FAM124B: variants seen among roughly 807,000 people sequenced by gnomAD.
FAM124B encodes the protein protein FAM124B.
Under a neutral mutation model 19.7 loss-of-function variants are expected in FAM124B, and 18 were observed. The ratio of observed to expected loss-of-function variants is 0.92; its 90% CI spans 0.63 to 1.36. FAM124B has a LOEUF of 1.36. FAM124B is among the 40% of genes most tolerant of loss of function. FAM124B has a pLI of 0.00. For missense variants in FAM124B, 540 were observed against 553.3 expected, an observed-to-expected ratio of 0.98 and a Z score of 0.24; for synonymous variants, 223 against 225.2, an observed-to-expected ratio of 0.99 and a Z score of 0.09.
At chr2:224,387,708 G>C (rs1047940538) in intron 1 of FAM124B, among the ~76,000 whole-genome samples, 1 of 151,964 alleles carries the variant, frequency 6.6e-6, no homozygotes, top group African/African-American at 2.4e-5. Flanking sequence ...GTGTGTGTTG[G>C]GGGTGGGGTA....
chr2:224,388,120 A>G (rs1689827315), intron 1 of FAM124B, among the ~76,000 whole-genome samples: 1 of 152,212 alleles, frequency 6.6e-6, no homozygotes, highest in Non-Finnish European at 1.5e-5. Context: ...CTGAAAAGAG[A>G]AGCAGATTCA....
At chr2:224,399,587 C>A (rs1453706847) in intron 1 of FAM124B, 1 of 152,082 alleles carries the variant, frequency 6.6e-6, no homozygotes, top group Non-Finnish European at 1.5e-5. Context: ...ACATTCATCC[C>A]CCTGCTTGCA....
At position 224,380,066 on chromosome 2, in the gene FAM124B, C is replaced by T; in HGVS notation, c.875G>A (p.Gly292Glu). ...SQRNQGKRSQGHSLELPEPSG... is the reference protein window; with the variant it reads ...SQRNQGKRSQEHSLELPEPSG... ...GGGCTCAGGAAGCTCCAGAGAATGC[C>T]CCTGGGACCTCTTGCCCTGGTTCCT... The change falls in exon 2 of 2, where the codon GGG becomes GAG. Residue 292 changes from glycine to glutamate, a missense_variant. Transcript: ENST00000409685. 1 of 1,551,646 alleles carries T rather than the reference C, an allele frequency of 6.4e-7. No homozygotes were observed. Among genetic ancestry groups the T allele is most frequent in the Non-Finnish European group, 8.7e-7 (1 of 1,147,004 alleles).
intron 1 of FAM124B, 78 bp downstream of exon 1, chr2:224,400,959 C>T (rs1219692361): frequency 2.0e-6 from 3 of 1,497,988 alleles, no homozygotes; most frequent in Non-Finnish European, 1.8e-6. Flanking sequence ...GTCTGAGAAC[C>T]ACTAGCTTAG....
At chr2:224,384,468 C>T (rs1689771327) in intron 1 of FAM124B, among the ~76,000 whole-genome samples, 2 of 152,228 alleles carry the variant, frequency 1.3e-5, no homozygotes, top group East Asian at 1.9e-4. Context: ...CATCCATCTA[C>T]CTGCCCACAT....
chr2:224,395,434 G>A (rs146592009), intron 1 of FAM124B, among the ~76,000 whole-genome samples: 246 of 152,048 alleles, frequency 1.6e-3, no homozygotes, highest in African/African-American at 4.8e-3. Flanking sequence ...AAAAAGAGGC[G>A]GACATCATCA....
At position 224,379,807 on chromosome 2, in the gene FAM124B, A is replaced by G. The variant is rs1348382910; in HGVS notation, c.1134T>C (p.Tyr378=). 1.0e-5 allele frequency: 16 copies of G among 1,551,862 alleles called. No homozygotes were observed. Among genetic ancestry groups the G allele is most frequent in the Non-Finnish European group, 8.7e-7 (1 of 1,147,026 alleles). ...TIINSEPRQT[Y]FGGFPRDLQT... ...GTAAATCCCTTGGAAATCCGCCAAA[A>G]TAAGTCTGCCTGGGTTCAGAATTTA... is the stretch of plus-strand genomic sequence containing the variant. The change falls in exon 2 of 2, where the codon TAT becomes TAC. Residue 378 remains tyrosine, a synonymous_variant. Coordinates refer to ENST00000409685, the MANE Select transcript of FAM124B (RefSeq NM_001122779.2).
chr2:224,392,764 A>C (rs879438273), intron 1 of FAM124B, among the ~76,000 whole-genome samples: 5 of 151,798 alleles, frequency 3.3e-5, no homozygotes, highest in Non-Finnish European at 7.4e-5. Context: ...CAAAAAAAAA[A>C]AACAACAGAT....
intron 1 of FAM124B, among the ~76,000 whole-genome samples, chr2:224,391,551 T>C (rs755651363): frequency 2.0e-5 from 3 of 152,192 alleles, no homozygotes; most frequent in Non-Finnish European, 2.9e-5. Context: ...AAGTATATTA[T>C]CTAAAACAGG....
chr2:224,380,789 G>C (rs375411144), intron 1 of FAM124B, among the ~76,000 whole-genome samples: 5 of 152,166 alleles, frequency 3.3e-5, no homozygotes, highest in Admixed American at 6.5e-5. Context: ...CATTTATTTA[G>C]ATTAGAGGCC....
At chr2:224,381,536 G>C (rs1689717299) in intron 1 of FAM124B, among the ~76,000 whole-genome samples, 1 of 151,688 alleles carries the variant, frequency 6.6e-6, no homozygotes, top group South Asian at 2.1e-4. Flanking sequence ...TGGGGGGAGG[G>C]AGGGATGACT....
chr2:224,390,114 T>TACACACACACACACACAC (rs59825011), intron 1 of FAM124B, among the ~76,000 whole-genome samples: 153 of 131,792 alleles, frequency 1.2e-3, no homozygotes, highest in Non-Finnish European at 1.8e-3. Flanking sequence ...GTCTTTGAAA[T>TACACACACACACACACAC]ACACACACAC....
In FAM124B at chr2:224,400,714, C is replaced by T. The variant is rs148617410; in HGVS notation, c.732+323G>A. ...GGATTCTGATCTTTATAGTAGAATC[C>T]TGTCTGATTCTACTATAAAGTACTT... On this transcript the variant is annotated intron_variant, in intron 1 of 1. Coordinates refer to ENST00000409685, the MANE Select transcript of FAM124B (RefSeq NM_001122779.2). Among the ~76,000 whole-genome samples, 81 of 152,164 alleles carry T rather than the reference C, an allele frequency of 5.3e-4. No individual in the cohort carries two copies. The East Asian group carries it at 0.015, about 29-fold the overall frequency.
chr2:224,401,144 C>A lies in FAM124B; in HGVS notation c.625G>T (p.Val209Phe). Residue 209 changes from valine to phenylalanine, a missense_variant, in exon 1 of 2, where the codon GTT becomes TTT. Transcript: ENST00000409685. Reference sequence around the variant, plus strand: ...GGCACTAACTGGCCGATCTCTTGAACCTTAAACTGCAGCACCGAAGACTCT... The same window carrying A: ...GGCACTAACTGGCCGATCTCTTGAAACTTAAACTGCAGCACCGAAGACTCT... ...PKESSVLQFKVQEIGQLVPLL... is the reference protein window; with the variant it reads ...PKESSVLQFKFQEIGQLVPLL... The A allele has an allele frequency of 6.2e-7, 1 of 1,614,174 alleles. No homozygotes were observed. Among genetic ancestry groups the A allele is most frequent in the Non-Finnish European group, 8.5e-7 (1 of 1,180,042 alleles).
At chr2:224,388,287 C>A (rs978267448) in intron 1 of FAM124B, among the ~76,000 whole-genome samples, 1 of 152,072 alleles carries the variant, frequency 6.6e-6, no homozygotes. Context: ...TGATCAGAGC[C>A]TTAAAATTGG....
chr2:224,401,598 G>C lies in FAM124B; in HGVS notation c.171C>G (p.Ser57=). The change falls in exon 1 of 2, where the codon TCC becomes TCG. Residue 57 remains serine, a synonymous_variant. Coordinates refer to ENST00000409685, the MANE Select transcript of FAM124B (RefSeq NM_001122779.2). ...RASPVKYCEK[S]HSKRSRFPGM... Reference sequence around the variant, plus strand: ...CTGGAAACCGGGACCGCTTGGAATGGGACTTTTCACAGTATTTCACAGGAC... The same window carrying C: ...CTGGAAACCGGGACCGCTTGGAATGCGACTTTTCACAGTATTTCACAGGAC... The C allele has an allele frequency of 6.2e-7, 1 of 1,614,102 alleles. No homozygotes were observed.
chr2:224,390,985 G>A (rs1689878028), intron 1 of FAM124B, among the ~76,000 whole-genome samples: 1 of 150,578 alleles, frequency 6.6e-6, no homozygotes. Context: ...TTACAGGCAT[G>A]AGCCACCGCG....
Position 224,389,198 on chromosome 2 carries a change from C to T in FAM124B, c.733-8990G>A, listed in dbSNP as rs573971174. On this transcript the variant is annotated intron_variant, in intron 1 of 1. Transcript: ENST00000409685. ...CCGCCTGCCTCGGCCTCCCAAAGTG[C>T]TGGGATTACAGGCATGAGCCACCAC... is the stretch of plus-strand genomic sequence containing the variant. Among the ~76,000 whole-genome samples, 3 of 152,264 alleles carry T rather than the reference C, an allele frequency of 2.0e-5. No individual in the cohort carries two copies. The East Asian group carries it at 5.8e-4, about 29-fold the overall frequency.
At chr2:224,389,135 T>C (rs949986126) in intron 1 of FAM124B, among the ~76,000 whole-genome samples, 3 of 152,250 alleles carry the variant, frequency 2.0e-5, no homozygotes, top group South Asian at 2.1e-4. Context: ...TTTTACCATG[T>C]TGGCCAGGCT....
Sources: allele counts gnomAD v4.1 joint callset (sites outside exome capture counted in the v4.1 genomes callset), GRCh38; gene constraint gnomAD v4.1.1; transcripts MANE v1.5; gene names NCBI Gene and HGNC (gene_info 2026-07-23, HGNC 2026-07-21).